Variants in PARD3 observed in about 807,000 individuals in gnomAD.
The protein encoded by PARD3 is par-3 family cell polarity regulator.
A neutral mutation model predicts 155.4 loss-of-function variants in PARD3; 75 were observed. The observed-to-expected ratio is 0.48, with a 90% CI of 0.40 to 0.58. The LOEUF is 0.58. Ranked by LOEUF, PARD3 falls within the 20% of genes least tolerant of loss-of-function variation. PARD3 has a pLI of 0.00. For synonymous variants in PARD3, 576 were observed against 610.5 expected, an observed-to-expected ratio of 0.94 and a Z score of 0.83; for missense variants, 1,642 against 1,721.7, an observed-to-expected ratio of 0.95 and a Z score of 0.82.
At chr10:34,259,207 G>A (rs961533177) in intron 22 of PARD3, among the ~76,000 whole-genome samples, 3 of 152,124 alleles carry the variant, frequency 2.0e-5, no homozygotes, top group Non-Finnish European at 2.9e-5. Context: ...GAAGCAATTA[G>A]GAAACAAATA....
intron 7 of PARD3, among the ~76,000 whole-genome samples, chr10:34,384,956 G>C (rs1178703312): frequency 6.6e-6 from 1 of 152,128 alleles, no homozygotes; most frequent in Non-Finnish European, 1.5e-5. Flanking sequence ...CACTCAGGTT[G>C]AAAGAAAAGT....
At chr10:34,795,228 C>T (rs1842117159) in intron 1 of PARD3, among the ~76,000 whole-genome samples, 1 of 152,218 alleles carries the variant, frequency 6.6e-6, no homozygotes, top group Non-Finnish European at 1.5e-5. Context: ...CACTGAAGGA[C>T]ACTGGCTGTG....
intron 3 of PARD3, among the ~76,000 whole-genome samples, chr10:34,490,242 AAAAG>A (rs769229684): frequency 3.3e-5 from 5 of 152,236 alleles, no homozygotes; most frequent in Non-Finnish European, 7.3e-5. Flanking sequence ...TTCACAGGGA[AAAAG>A]AAAGACCATG....
At chr10:34,761,034 T>C (rs2134015482) in intron 1 of PARD3, among the ~76,000 whole-genome samples, 1 of 152,142 alleles carries the variant, frequency 6.6e-6, no homozygotes, top group South Asian at 2.1e-4. Context: ...ACAGAACATA[T>C]AACATTATTT....
chr10:34,293,565 G>A (rs1423137252), intron 20 of PARD3, among the ~76,000 whole-genome samples: 1 of 152,160 alleles, frequency 6.6e-6, no homozygotes, highest in Non-Finnish European at 1.5e-5. Context: ...AATCGGTCAT[G>A]TCCACTTAAA....
chr10:34,759,719 A>G (rs1036279266), intron 1 of PARD3, among the ~76,000 whole-genome samples: 1 of 152,268 alleles, frequency 6.6e-6, no homozygotes, highest in Non-Finnish European at 1.5e-5. Context: ...GATTTCAGCC[A>G]GCATAACGTG....
At chr10:34,814,317 C>T (rs1425200535) in intron 1 of PARD3, among the ~76,000 whole-genome samples, 1 of 152,156 alleles carries the variant, frequency 6.6e-6, no homozygotes, top group Non-Finnish European at 1.5e-5. Flanking sequence ...CGGCCCCTAC[C>T]AGCAGGGGAC....
At chr10:34,567,991 T>C (rs2086094246) in intron 2 of PARD3, among the ~76,000 whole-genome samples, 1 of 151,056 alleles carries the variant, frequency 6.6e-6, no homozygotes, top group Non-Finnish European at 1.5e-5. Context: ...TAATGACTGC[T>C]CATGGGCAGG....
At chr10:34,284,902 C>G (rs1394191883) in intron 20 of PARD3, among the ~76,000 whole-genome samples, 1 of 152,184 alleles carries the variant, frequency 6.6e-6, no homozygotes, top group Non-Finnish European at 1.5e-5. Flanking sequence ...AAAACAAACA[C>G]ACGGAACAAA....
At chr10:34,564,000 T>C (rs905577959) in intron 2 of PARD3, among the ~76,000 whole-genome samples, 27 of 152,216 alleles carry the variant, frequency 1.8e-4, no homozygotes, top group Admixed American at 8.5e-4. Flanking sequence ...GTACATCTAA[T>C]ATCCTGACAC....
At chr10:34,334,582 A>G (rs1835954857) in intron 18 of PARD3, among the ~76,000 whole-genome samples, 1 of 151,770 alleles carries the variant, frequency 6.6e-6, no homozygotes, top group South Asian at 2.1e-4. Context: ...TTCACTGTCT[A>G]ATATTAGGGG....
chr10:34,184,833 T>A (rs1470332386), intron 22 of PARD3, among the ~76,000 whole-genome samples: 1 of 152,072 alleles, frequency 6.6e-6, no homozygotes, highest in Non-Finnish European at 1.5e-5. Context: ...TCTCACTTTC[T>A]CATCTTTTGG....
chr10:34,513,102 A>G (rs1156326124), intron 3 of PARD3, among the ~76,000 whole-genome samples: 1 of 152,220 alleles, frequency 6.6e-6, no homozygotes, highest in Non-Finnish European at 1.5e-5. Context: ...ATTAAAATTT[A>G]TTAAGTGTAT....
chr10:34,760,190 GACAGC>G (rs1210442450), intron 1 of PARD3, among the ~76,000 whole-genome samples: 4 of 78,382 alleles, frequency 5.1e-5, no homozygotes, highest in Non-Finnish European at 1.2e-4. Context: ...GGGTGTGGGG[GACAGC>G]GCAGCGGTGT....
chr10:34,644,389 C>A (rs191467384), intron 2 of PARD3, among the ~76,000 whole-genome samples: 1 of 152,214 alleles, frequency 6.6e-6, no homozygotes, highest in Admixed American at 6.5e-5. Context: ...GCCAGCCCCA[C>A]GCTCCGACAG....
intron 1 of PARD3, among the ~76,000 whole-genome samples, chr10:34,729,520 G>C (rs955711260): frequency 7.4e-6 from 1 of 134,718 alleles, no homozygotes; most frequent in Non-Finnish European, 1.6e-5. Context: ...AACAGGGCAA[G>C]ACTCCATCTC....
intron 1 of PARD3, among the ~76,000 whole-genome samples, chr10:34,718,214 C>CAATA (rs2094550990): frequency 6.7e-6 from 1 of 148,934 alleles, no homozygotes; most frequent in African/African-American, 2.5e-5. Context: ...AGGTCACTAA[C>CAATA]AATACTCAGT....
rs141941973 is a variant in PARD3, at chr10:34,426,610, T to G, written c.714+23707A>C. 432 of 152,340 alleles carry G rather than the reference T, an allele frequency of 2.8e-3. 2 individuals carry two copies. The highest frequency in any genetic ancestry group is 9.2e-3 in the African/African-American group (381 of 41,590). 9.4% of individuals were successfully genotyped at this position (152,340 alleles called of 1,614,324 possible). ...AAAATATTTCTAAATAATAGTACCATATCGGCTTAAGTTTAAGACTAATAT... is the reference window on the plus strand; with the variant it reads ...AAAATATTTCTAAATAATAGTACCAGATCGGCTTAAGTTTAAGACTAATAT... On this transcript the variant is annotated intron_variant, in intron 5 of 24. Coordinates refer to ENST00000374788, the MANE Select transcript of PARD3 (RefSeq NM_001184785.2).
chr10:34,378,071 C>T lies in PARD3; in HGVS notation c.1435G>A (p.Asp479Asn). ...EGLGFSITSR[D>N]VTIGGSAPIY... is the part of the protein sequence containing the mutation. ...GGAGCTGAGCCACCTATTGTTACATCTCTGGAAGTGATGCTGAATCCCAAA... is the reference window on the plus strand; with the variant it reads ...GGAGCTGAGCCACCTATTGTTACATTTCTGGAAGTGATGCTGAATCCCAAA... The change falls in exon 10 of 25, where the codon GAT becomes AAT. Residue 479 changes from aspartate to asparagine, a missense_variant. Asp to Asn is a conservative substitution (Grantham distance 23). Coordinates refer to ENST00000374788, the MANE Select transcript of PARD3 (RefSeq NM_001184785.2). 2 of 1,595,952 alleles carry T rather than the reference C, an allele frequency of 1.3e-6. No homozygotes were observed. The highest frequency in any genetic ancestry group is 1.1e-5 in the South Asian group (1 of 88,270).
Sources: allele counts gnomAD v4.1 joint callset (sites outside exome capture counted in the v4.1 genomes callset), GRCh38; gene constraint gnomAD v4.1.1; transcripts MANE v1.5; gene names NCBI Gene and HGNC (gene_info 2026-07-23, HGNC 2026-07-21).